The following RBPJ variants were observed in gnomAD, a reference collection of about 807,000 sequenced individuals.
RBPJ encodes recombining binding protein suppressor of hairless.
RBPJ carries 9 observed loss-of-function variants against 67.8 expected under a neutral mutation model. The ratio of observed to expected loss-of-function variants is 0.13; its 90% CI spans 0.08 to 0.23. The LOEUF is 0.23. Ranked by LOEUF, RBPJ falls within the 10% of genes least tolerant of loss-of-function variation. The probability of loss-of-function intolerance (pLI) is 1.00; values close to 1 mark genes in which losing one functional copy is unlikely to be tolerated. For synonymous variants in RBPJ, 198 were observed against 203.3 expected, an observed-to-expected ratio of 0.97 and a Z score of 0.22; for missense variants, 305 against 595.6, an observed-to-expected ratio of 0.51 and a Z score of 5.08.
upstream of RBPJ, among the ~76,000 whole-genome samples, chr4:26,317,711 A>G (rs921802871): frequency 2.6e-5 from 4 of 152,200 alleles, no homozygotes; most frequent in Admixed American, 2.0e-4. Flanking sequence ...GGTGGAGCCA[A>G]TAGGATTTTC....
chr4:26,156,703 C>A, the RBPJ span, among the ~76,000 whole-genome samples: 4 of 152,206 alleles, frequency 2.6e-5, no homozygotes, highest in African/African-American at 9.6e-5. Flanking sequence ...GATCCATCCA[C>A]GTCGGCCTCC....
chr4:26,311,602 T>G (rs1722429597), intron 1 of RBPJ, among the ~76,000 whole-genome samples: 1 of 152,080 alleles, frequency 6.6e-6, no homozygotes. Context: ...CCGCCTCTCA[T>G]GAGCCACTAG....
At chr4:26,228,853 A>G (rs1297365101) in intron 1 of RBPJ, among the ~76,000 whole-genome samples, 1 of 152,214 alleles carries the variant, frequency 6.6e-6, no homozygotes. Flanking sequence ...AGAGCTTGGT[A>G]CAGAAACTCT....
rs556953713 is a variant in RBPJ at position 26,403,205 on chromosome 4, A to G, written c.60-2970A>G. On this transcript the variant is annotated intron_variant, in intron 2 of 10. Coordinates refer to ENST00000355476, the MANE Select transcript of RBPJ (RefSeq NM_015874.6). ...GGGCTTGAGAGAAAATTGACTGGTG[A>G]TCTTGTCCCAATTCACAAAGGGATG... Among the ~76,000 whole-genome samples, 5 of 149,942 alleles carry G rather than the reference A, an allele frequency of 3.3e-5. No homozygotes were observed. In the East Asian group the frequency reaches 9.8e-4, roughly 29 times the overall value.
At chr4:26,365,670 G>C (rs1454737257) in intron 1 of RBPJ, among the ~76,000 whole-genome samples, 1 of 152,164 alleles carries the variant, frequency 6.6e-6, no homozygotes, top group Non-Finnish European at 1.5e-5. Context: ...TCCTTTAAAA[G>C]TGGTATTAGT....
In RBPJ at chr4:26,430,375, A is replaced by G; in HGVS notation, c.1045-44A>G. Reference sequence around the variant, plus strand: ...AATCTAATTTGTGTACTTTAATGAAAAATGAAAAGTTTTCTCAGTGTTGTG... The same window carrying G: ...AATCTAATTTGTGTACTTTAATGAAGAATGAAAAGTTTTCTCAGTGTTGTG... On this transcript the variant is annotated intron_variant, in intron 9 of 10. Transcript: ENST00000355476. The surrounding 1 kb of genome is among the most constrained non-coding windows in gnomAD (Gnocchi z 4.1). The G allele has an allele frequency of 6.7e-7, 1 of 1,494,170 alleles. No individual in the cohort carries two copies. Among genetic ancestry groups the G allele is most frequent in the Non-Finnish European group, 9.3e-7 (1 of 1,074,446 alleles). The allele number at this position is 1,494,170 out of a possible 1,614,324, so 92.6% of individuals were successfully genotyped here.
intron 1 of RBPJ, among the ~76,000 whole-genome samples, chr4:26,216,312 G>A (rs1718721807): frequency 6.6e-6 from 1 of 152,090 alleles, no homozygotes; most frequent in Non-Finnish European, 1.5e-5. Flanking sequence ...TGGGAAGGGG[G>A]CCACCATTCC....
intron 1 of RBPJ, among the ~76,000 whole-genome samples, chr4:26,335,574 T>A (rs1724729894): frequency 6.6e-6 from 1 of 151,918 alleles, no homozygotes; most frequent in African/African-American, 2.4e-5. Context: ...CATAGACTAT[T>A]GTCACAGCCA....
At chr4:26,156,414 CTTTTTTTTT>C in the RBPJ span, among the ~76,000 whole-genome samples, 2 of 93,560 alleles carry the variant, frequency 2.1e-5, no homozygotes, top group African/African-American at 4.0e-5. Flanking sequence ...TCTTTTCTTT[CTTTTTTTTT>C]TTTTTTTTTT....
At position 26,336,571 on chromosome 4, in the gene RBPJ, G is replaced by A. The variant is rs139784332; in HGVS notation, c.20+15523G>A. ...AGGCTGAGGCTGGAGGATCACTTAA[G>A]CCCAGGAGTTTGAGATTGCAGTGAG... On this transcript the variant is annotated intron_variant, in intron 1 of 10. Transcript: ENST00000355476. Among the ~76,000 whole-genome samples the A allele has an allele frequency of 2.7e-3, 406 of 151,796 alleles. 2 individuals carry two copies. In the South Asian group the frequency reaches 0.029, roughly 11 times the overall value.
chr4:26,379,582 A>G (rs200078674), intron 1 of RBPJ, among the ~76,000 whole-genome samples: 1 of 152,038 alleles, frequency 6.6e-6, no homozygotes, highest in East Asian at 1.9e-4. Context: ...ATCTCATGAG[A>G]ACCCACTCAC....
chr4:26,392,502 C>T (rs1330975384), intron 2 of RBPJ, among the ~76,000 whole-genome samples: 2 of 152,156 alleles, frequency 1.3e-5, no homozygotes, highest in Non-Finnish European at 2.9e-5. Context: ...GAACTTGATA[C>T]ATGCAACAAC....
At chr4:26,275,797 CT>C (rs1721059494) in intron 1 of RBPJ, among the ~76,000 whole-genome samples, 1 of 151,812 alleles carries the variant, frequency 6.6e-6, no homozygotes, top group African/African-American at 2.4e-5. Context: ...CACCCAGCTA[CT>C]TTTTTGTATT....
In RBPJ at chr4:26,263,760, C is replaced by T. The variant is rs182365860; in HGVS notation, c.-166-98686C>T. ...CTAATTTTTGTAGTTTTAGTAAAGACGGGGTTTCACCATATTGGCCGGGCT... is the reference window on the plus strand; with the variant it reads ...CTAATTTTTGTAGTTTTAGTAAAGATGGGGTTTCACCATATTGGCCGGGCT... On this transcript the variant is annotated intron_variant, in intron 1 of 4. Coordinates refer to the RBPJ transcript ENST00000512351. Among the ~76,000 whole-genome samples, 85 of 151,924 alleles carry T rather than the reference C, an allele frequency of 5.6e-4. 1 individual carries two copies. The highest frequency in any genetic ancestry group is 1.0e-4 in the Non-Finnish European group (7 of 67,970).
intron 1 of RBPJ, among the ~76,000 whole-genome samples, chr4:26,343,858 C>A (rs1445268653): frequency 2.2e-5 from 3 of 137,526 alleles, no homozygotes; most frequent in Non-Finnish European, 3.0e-5. Flanking sequence ...TCAAGTGATT[C>A]TGCTGCCTCA....
intron 1 of RBPJ, among the ~76,000 whole-genome samples, chr4:26,279,866 C>T (rs1387776094): frequency 6.7e-6 from 1 of 149,208 alleles, no homozygotes; most frequent in Non-Finnish European, 1.5e-5. Flanking sequence ...AGGCTCACTG[C>T]AGCCTCGACT....
chr4:26,178,558 A>C (rs899803049), intron 1 of RBPJ, among the ~76,000 whole-genome samples: 1 of 148,972 alleles, frequency 6.7e-6, no homozygotes, highest in Non-Finnish European at 1.5e-5. Context: ...CAGTGGGCTG[A>C]GATCACACCA....
chr4:26,108,371 AGT>A, the RBPJ span, among the ~76,000 whole-genome samples: 1 of 152,238 alleles, frequency 6.6e-6, no homozygotes, highest in Non-Finnish European at 1.5e-5. Flanking sequence ...ATCAGTGGGC[AGT>A]TCCCTTTGCC....
At chr4:26,319,741 G>A, upstream of RBPJ, 1 of 865,978 alleles carries the variant, frequency 1.2e-6, no homozygotes, top group Non-Finnish European at 2.0e-6. Flanking sequence ...GCTCGCGCGG[G>A]CCGCGCCAAT....
Sources: allele counts gnomAD v4.1 joint callset (sites outside exome capture counted in the v4.1 genomes callset), GRCh38; gene constraint gnomAD v4.1.1; non-coding constraint Gnocchi (gnomAD v3.1); transcripts MANE v1.5; gene names NCBI Gene and HGNC (gene_info 2026-07-23, HGNC 2026-07-21).